CEP63: variants seen among roughly 807,000 people sequenced by gnomAD.
The protein encoded by CEP63 is centrosomal protein of 63 kDa.
A neutral mutation model predicts 89.1 loss-of-function variants in CEP63; 84 were observed. The ratio of observed to expected loss-of-function variants is 0.94; its 90% CI spans 0.79 to 1.13. CEP63 has a LOEUF of 1.13. Ranked by LOEUF, CEP63 falls within the 50% of genes most tolerant of loss-of-function variation. CEP63 has a pLI of 0.00. For synonymous variants in CEP63, 267 were observed against 272.5 expected (o/e 0.98, Z 0.20); for missense variants, 838 against 813.3 (o/e 1.03, Z -0.37).
the CEP63 span, among the ~76,000 whole-genome samples, chr3:134,675,102 A>G: frequency 2.6e-5 from 4 of 152,242 alleles, no homozygotes; most frequent in Non-Finnish European, 5.9e-5. Context: ...GAAAAACAAC[A>G]CAATTGGAGA....
chr3:134,585,030 T>C (rs988324482), intron 10 of CEP63, among the ~76,000 whole-genome samples: 10 of 151,376 alleles, frequency 6.6e-5, no homozygotes, highest in Non-Finnish European at 1.0e-4. Context: ...GTGGGATTGG[T>C]GGTGATATCC....
At chr3:134,494,132 T>C (rs1317443859) in intron 1 of CEP63, among the ~76,000 whole-genome samples, 1 of 142,676 alleles carries the variant, frequency 7.0e-6, no homozygotes, top group African/African-American at 2.6e-5. Flanking sequence ...ATTTATTTAT[T>C]TGAGATGGAA....
intron 6 of CEP63, among the ~76,000 whole-genome samples, chr3:134,541,509 AC>A (rs1951982565): frequency 6.8e-6 from 1 of 147,176 alleles, no homozygotes; most frequent in African/African-American, 2.5e-5. Flanking sequence ...ATACTAGCCA[AC>A]TTTTTTTTTT....
intron 3 of CEP63, among the ~76,000 whole-genome samples, chr3:134,507,814 A>G (rs566172463): frequency 6.6e-6 from 1 of 152,322 alleles, no homozygotes; most frequent in South Asian, 2.1e-4. Flanking sequence ...ACTCATTGAT[A>G]TTGGTAATTT....
chr3:134,689,273 G>GA, the CEP63 span, among the ~76,000 whole-genome samples: 8 of 149,624 alleles, frequency 5.3e-5, no homozygotes, highest in South Asian at 2.1e-4. Flanking sequence ...TAGGAGAAAA[G>GA]AAAAAAAAAC....
chr3:134,636,126 A>G, the CEP63 span, among the ~76,000 whole-genome samples: 2 of 152,214 alleles, frequency 1.3e-5, no homozygotes. Flanking sequence ...TGATTTGCAC[A>G]CTTTGCAAAT....
the CEP63 span, among the ~76,000 whole-genome samples, chr3:134,727,009 C>A: frequency 7.2e-5 from 11 of 152,208 alleles, no homozygotes; most frequent in Admixed American, 7.2e-4. Flanking sequence ...TGTCCCCTGT[C>A]CCATTTCTCC....
chr3:134,485,991 G>GGGCCCCCCC, upstream of CEP63: 1 of 938,164 alleles, frequency 1.1e-6, no homozygotes, highest in Non-Finnish European at 1.3e-6. Flanking sequence ...CTCCTGCCAC[G>GGGCCCCCCC]CCCCCCCCCC....
chr3:134,544,082 A>G (rs747966953), intron 6 of CEP63, among the ~76,000 whole-genome samples: 26 of 152,154 alleles, frequency 1.7e-4, no homozygotes, highest in African/African-American at 2.4e-4. Flanking sequence ...TTTAGCATCT[A>G]CTTTATTTGA....
In CEP63 at chr3:134,532,804, A is replaced by C; in HGVS notation, c.345A>C (p.Glu115Asp). 4 of 1,608,774 alleles carry C rather than the reference A, an allele frequency of 2.5e-6. No homozygotes were observed. Among genetic ancestry groups the C allele is most frequent in the Non-Finnish European group, 3.4e-6 (4 of 1,175,492 alleles). Residue 115 changes from glutamate (E) to aspartate (D), a missense_variant, in exon 5 of 15, where the codon GAA (glutamate) becomes GAC (aspartate). Coordinates refer to ENST00000675561, the MANE Select transcript of CEP63 (RefSeq NM_001353108.3). ...TATGCATACTGAAGAGAAGCTATGA[A>C]AAGCTTCAGAAAAAGCAAATGAGGG... The part of the protein sequence containing the change: ...EELCILKRSY[E>D]KLQKKQMREF...
At chr3:134,643,827 T>TGC in the CEP63 span, among the ~76,000 whole-genome samples, 1 of 100,200 alleles carries the variant, frequency 1.0e-5, no homozygotes, top group Non-Finnish European at 2.2e-5. Context: ...AGTCTCCTGC[T>TGC]TCTTTTTTTT....
the CEP63 span, among the ~76,000 whole-genome samples, chr3:134,773,890 G>A: frequency 6.6e-6 from 1 of 152,086 alleles, no homozygotes; most frequent in Non-Finnish European, 1.5e-5. Context: ...GTATTTCTGT[G>A]CTTGTTTTTA....
downstream of CEP63, among the ~76,000 whole-genome samples, chr3:134,567,884 G>A (rs1957850233): frequency 6.6e-6 from 1 of 152,222 alleles, no homozygotes; most frequent in Admixed American, 6.5e-5. Flanking sequence ...CTTAGAGGAG[G>A]ACTGTTTACA....
the CEP63 span, chr3:134,650,874 C>A: frequency 0.26 from 414,560 of 1,611,970 alleles, 56,844 homozygotes; most frequent in Non-Finnish European, 0.29. Flanking sequence ...GGTCTGAGAG[C>A]GTACCCTGTG....
At chr3:134,643,402 C>T in the CEP63 span, 14 of 1,604,850 alleles carry the variant, frequency 8.7e-6, 1 homozygote, top group East Asian at 1.1e-4. Context: ...ACAGAGAGGC[C>T]TGCAGTGACC....
the CEP63 span, among the ~76,000 whole-genome samples, chr3:134,663,544 C>T: frequency 2.6e-5 from 4 of 152,300 alleles, no homozygotes; most frequent in East Asian, 1.9e-4. Context: ...CCACAAACCC[C>T]GGGGGCCTTC....
chr3:134,612,809 C>T, the CEP63 span, among the ~76,000 whole-genome samples: 2 of 139,206 alleles, frequency 1.4e-5, no homozygotes, highest in Admixed American at 7.3e-5. Context: ...CCTGCATGCA[C>T]AGAGAAGGAG....
the CEP63 span, among the ~76,000 whole-genome samples, chr3:134,648,953 T>C: frequency 1.3e-5 from 2 of 152,152 alleles, no homozygotes. Context: ...CTTGCACCCA[T>C]GGGAGGCTTT....
At chr3:134,628,067 G>T in the CEP63 span, 2 of 563,678 alleles carry the variant, frequency 3.5e-6, no homozygotes. Context: ...TCTGCAACTG[G>T]AGTTAGTATT....
Sources: gnomAD v4.1 joint callset for allele counts (sites outside exome capture counted in the v4.1 genomes callset) on GRCh38, gnomAD v4.1.1 for gene constraint, MANE v1.5 for transcripts, NCBI Gene and HGNC (gene_info 2026-07-23, HGNC 2026-07-21) for gene names.